FKBP1B: variants seen among roughly 807,000 people sequenced by gnomAD.
FKBP1B encodes FKBP prolyl isomerase 1B, also known as peptidyl-prolyl cis-trans isomerase FKBP1B.
In FKBP1B, 4 loss-of-function variants were observed where a neutral mutation model predicts 13.5. That is an observed-to-expected ratio of 0.30 (90% CI 0.15 to 0.68). The LOEUF (loss-of-function observed/expected upper bound fraction) is 0.68. FKBP1B is among the 30% of genes least tolerant of loss of function. The pLI is 0.76. For missense variants in FKBP1B, 93 were observed against 136.2 expected (o/e 0.68, Z 1.58); for synonymous variants, 54 against 53.6 (o/e 1.01, Z -0.03).
At chr2:24,037,044 T>A in the FKBP1B span, among the ~76,000 whole-genome samples, 3 of 152,276 alleles carry the variant, frequency 2.0e-5, no homozygotes, top group East Asian at 5.8e-4. Flanking sequence ...TCCTTTTTCT[T>A]TGAGACGGAG....
chr2:24,060,691 TG>T (rs1664350401), intron 2 of FKBP1B, 122 bp from the exon 3 acceptor site: 1 of 679,594 alleles, frequency 1.5e-6, no homozygotes, highest in Non-Finnish European at 2.6e-6. Flanking sequence ...ACAGGATGGA[TG>T]GGGAGGATCG....
rs1391127111 is a variant in FKBP1B at position 24,060,821 on chromosome 2, C to T, written c.93C>T (p.Leu31=). The change falls in exon 3 of 4, where the codon CTC becomes CTT. Residue 31 remains leucine, a synonymous_variant. Transcript: ENST00000380986. ...QTCVVHYTGM[L]QNGKKFDSSR... Reference sequence around the variant, plus strand: ...CGATTCTTGCTTTGACAGGAATGCTCCAAAATGGGAAGAAGTTTGATTCAT... The same window carrying T: ...CGATTCTTGCTTTGACAGGAATGCTTCAAAATGGGAAGAAGTTTGATTCAT... 4 of 1,613,710 alleles carry T rather than the reference C, an allele frequency of 2.5e-6. No individual in the cohort carries two copies. The highest frequency in any genetic ancestry group is 4.5e-5 in the East Asian group (2 of 44,868).
chr2:24,038,833 G>C, the FKBP1B span: 1 of 1,614,120 alleles, frequency 6.2e-7, no homozygotes, highest in Non-Finnish European at 8.5e-7. Context: ...TGGAAGCTCA[G>C]TAGCTATAGC....
At chr2:24,061,095 C>G (rs1664371364) in intron 3 of FKBP1B, among the ~76,000 whole-genome samples, 169 bp downstream of exon 3, 1 of 152,134 alleles carries the variant, frequency 6.6e-6, no homozygotes, top group Non-Finnish European at 1.5e-5. Context: ...CGTCCCCACC[C>G]CTCTCCTTGC....
At chr2:24,043,746 G>A in the FKBP1B span, among the ~76,000 whole-genome samples, 2 of 152,180 alleles carry the variant, frequency 1.3e-5, no homozygotes, top group Non-Finnish European at 2.9e-5. Context: ...CTGAGTAAGT[G>A]TCAAAGGCAG....
At chr2:24,045,925 C>T (rs1036843764), upstream of FKBP1B, 2 of 151,838 alleles carry the variant, frequency 1.3e-5, no homozygotes, top group Non-Finnish European at 2.9e-5. Context: ...ATTTGTGAAG[C>T]GTTCCATAAA....
chr2:24,062,266 A>G (rs1039663869), intron 3 of FKBP1B, among the ~76,000 whole-genome samples: 16 of 151,782 alleles, frequency 1.1e-4, no homozygotes, highest in African/African-American at 3.9e-4. Flanking sequence ...TCCTCCTCCC[A>G]GGTTCAAGCA....
At chr2:24,045,631 GAGGAAGGA>G (rs4041250), upstream of FKBP1B, among the ~76,000 whole-genome samples, 68 of 106,162 alleles carry the variant, frequency 6.4e-4, no homozygotes, top group Non-Finnish European at 1.1e-3. Context: ...GAGAGAGAGA[GAGGAAGGA>G]AGGAAGGAAG....
At chr2:24,041,759 T>C in the FKBP1B span, among the ~76,000 whole-genome samples, 1,094 of 148,326 alleles carry the variant, frequency 7.4e-3, 10 homozygotes, top group African/African-American at 0.026. Flanking sequence ...AGGCTGAGGC[T>C]GGACAATTGC....
At chr2:24,039,753 C>T in the FKBP1B span, among the ~76,000 whole-genome samples, 9 of 151,934 alleles carry the variant, frequency 5.9e-5, no homozygotes, top group Non-Finnish European at 1.3e-4. Context: ...CTGGGGAAAT[C>T]TGAGTATGGA....
At chr2:24,059,451 C>T (rs1664287726) in intron 2 of FKBP1B, among the ~76,000 whole-genome samples, 1 of 152,056 alleles carries the variant, frequency 6.6e-6, no homozygotes, top group Non-Finnish European at 1.5e-5. Context: ...TCACCTTACA[C>T]TGTTCCCTAC....
chr2:24,037,792 A>T, the FKBP1B span: 1 of 1,614,252 alleles, frequency 6.2e-7, no homozygotes, highest in South Asian at 1.1e-5. Flanking sequence ...CATTTCAACC[A>T]GGTTCCTAGA....
the FKBP1B span, chr2:24,037,809 T>G: frequency 6.2e-7 from 1 of 1,614,208 alleles, no homozygotes; most frequent in South Asian, 1.1e-5. Context: ...TAGATAAAAT[T>G]TCCACTTCCT....
At chr2:24,038,832 A>G in the FKBP1B span, 2 of 1,614,222 alleles carry the variant, frequency 1.2e-6, no homozygotes, top group South Asian at 2.2e-5. Flanking sequence ...ATGGAAGCTC[A>G]GTAGCTATAG....
the FKBP1B span, chr2:24,039,225 C>T: frequency 6.2e-7 from 1 of 1,614,242 alleles, no homozygotes; most frequent in Non-Finnish European, 8.5e-7. Context: ...GGCTGGGACA[C>T]AGCTGCCACA....
intron 2 of FKBP1B, chr2:24,054,322 A>G: frequency 2.7e-6 from 1 of 370,336 alleles, no homozygotes; most frequent in Non-Finnish European, 5.4e-6. Context: ...ATCCTGCAGT[A>G]TCATTAGAGA....
the FKBP1B span, among the ~76,000 whole-genome samples, chr2:24,033,720 G>T: frequency 6.6e-6 from 1 of 152,194 alleles, no homozygotes; most frequent in African/African-American, 2.4e-5. Context: ...CAGGCTGAGT[G>T]ACAGAGACAG....
intron 2 of FKBP1B, among the ~76,000 whole-genome samples, chr2:24,057,410 G>A (rs1047065730): frequency 2.0e-5 from 3 of 151,536 alleles, no homozygotes; most frequent in African/African-American, 4.9e-5. Context: ...TTTTGCTATC[G>A]TTGCCCAGGC....
At chr2:24,038,281 T>C in the FKBP1B span, 1 of 1,614,204 alleles carries the variant, frequency 6.2e-7, no homozygotes, top group East Asian at 2.2e-5. Flanking sequence ...GAGTTTTTGT[T>C]TTCCTACCAA....
Sources: allele counts gnomAD v4.1 joint callset (sites outside exome capture counted in the v4.1 genomes callset), GRCh38; gene constraint gnomAD v4.1.1; transcripts MANE v1.5; gene names NCBI Gene and HGNC (gene_info 2026-07-23, HGNC 2026-07-21).